The following RFX3 variants were observed in gnomAD, a reference collection of about 807,000 sequenced individuals.
RFX3 encodes the protein transcription factor RFX3.
RFX3 carries 14 observed loss-of-function variants against 98.6 expected under a neutral mutation model. The ratio of observed to expected loss-of-function variants is 0.14; its 90% CI spans 0.09 to 0.22. RFX3 has a LOEUF of 0.22. RFX3 is among the 10% of genes least tolerant of loss of function. The pLI is 1.00. For missense variants in RFX3, 639 were observed against 926.9 expected (o/e 0.69, Z 4.03); for synonymous variants, 383 against 328.4 (o/e 1.17, Z -1.80).
At chr9:3,465,726 A>G (rs1167744823) in intron 1 of RFX3, among the ~76,000 whole-genome samples, 1 of 152,196 alleles carries the variant, frequency 6.6e-6, no homozygotes, top group Non-Finnish European at 1.5e-5. Flanking sequence ...GAAGGTATGC[A>G]AACAGGGCAT....
At position 3,452,422 on chromosome 9, in the gene RFX3, G is replaced by T. The variant is rs7873339; in HGVS notation, c.-8-56826C>A. 4 of 233,802 alleles carry T rather than the reference G, an allele frequency of 1.7e-5. No individual in the cohort carries two copies. The South Asian group carries it at 1.7e-4, about 10-fold the overall frequency. The allele number at this position is 233,802 out of a possible 1,614,324, so 14.5% of individuals were successfully genotyped here. A position where few individuals can be genotyped will look rare whatever the true frequency, so the allele number is the denominator to read the frequency against. On this transcript the variant is annotated intron_variant, in intron 1 of 16. Transcript: ENST00000617270. Reference sequence around the variant, plus strand: ...CTTGGGCAACATACGGAGACACCAGGTCTATAAAATAATAAAAATAATAGC... The same window carrying T: ...CTTGGGCAACATACGGAGACACCAGTTCTATAAAATAATAAAAATAATAGC...
At chr9:3,354,381 A>G (rs1027862435) in intron 2 of RFX3, among the ~76,000 whole-genome samples, 2 of 152,090 alleles carry the variant, frequency 1.3e-5, no homozygotes, top group East Asian at 3.9e-4. Flanking sequence ...CATCTCTACC[A>G]AAAAACATTT....
chr9:3,338,735 T>C (rs7850660), intron 3 of RFX3, among the ~76,000 whole-genome samples: 26,400 of 152,010 alleles, frequency 0.17, 2,322 homozygotes, highest in Middle Eastern at 0.22. Context: ...ACCATTGTAC[T>C]AGTTGATACT....
intron 15 of RFX3, among the ~76,000 whole-genome samples, chr9:3,234,932 T>A (rs187131444): frequency 2.6e-5 from 4 of 152,168 alleles, no homozygotes; most frequent in African/African-American, 4.8e-5. Context: ...CATCAACTGA[T>A]GAAGGTCACA....
chr9:3,284,978 A>G (rs1397872250), intron 7 of RFX3, among the ~76,000 whole-genome samples: 1 of 151,780 alleles, frequency 6.6e-6, no homozygotes, highest in Non-Finnish European at 1.5e-5. Flanking sequence ...CAAACCTTCA[A>G]GTGACACCTT....
At position 3,315,709 on chromosome 9, in the gene RFX3, T is replaced by C. The variant is rs187135887; in HGVS notation, c.475-14089A>G. Among the ~76,000 whole-genome samples, 686 of 152,138 alleles carry C rather than the reference T, an allele frequency of 4.5e-3. 6 individuals are homozygous for C. The highest frequency in any genetic ancestry group is 0.016 in the African/African-American group (650 of 41,536). On this transcript the variant is annotated intron_variant, in intron 4 of 16. Coordinates refer to ENST00000617270, the MANE Select transcript of RFX3 (RefSeq NM_001282116.2). ...AAAGGGGATATCACCACCGATCTCA[T>C]AGAAATACAAACTACCATCAGAAAA...
chr9:3,371,781 T>G (rs1440722158), intron 2 of RFX3, among the ~76,000 whole-genome samples: 1 of 152,172 alleles, frequency 6.6e-6, no homozygotes, highest in Non-Finnish European at 1.5e-5. Context: ...TAGTCTTTAT[T>G]CAAATAGAGG....
chr9:3,271,211 G>C, intron 9 of RFX3, 93 bp from the exon 10 acceptor site: 1 of 1,051,576 alleles, frequency 9.5e-7, no homozygotes, highest in Non-Finnish European at 1.4e-6. Context: ...ATATGGTCAA[G>C]TTCTCCCTTG....
chr9:3,291,409 A>C (rs867602231), intron 6 of RFX3, among the ~76,000 whole-genome samples: 5 of 117,964 alleles, frequency 4.2e-5, no homozygotes, highest in African/African-American at 9.3e-5. Context: ...ACAAAACAAA[A>C]CAAAACAAAA....
At chr9:3,524,524 G>C in intron 1 of RFX3, 2 of 976,844 alleles carry the variant, frequency 2.0e-6, no homozygotes, top group Non-Finnish European at 2.4e-6. Flanking sequence ...AACTTGACTT[G>C]AATTTCAACT....
In RFX3 at chr9:3,365,544, GAAA is replaced by G. The variant is rs202111558; in HGVS notation, c.118-18783_118-18781del. ...TATTCATCTAAATCCCTGAAGAAAA[GAAA>G]AAGAGTAGCAACCATAATACTCCTC... On this transcript the variant is annotated intron_variant, in intron 2 of 16. Transcript: ENST00000617270. Among the ~76,000 whole-genome samples, 1,514 of 152,142 alleles carry G rather than the reference GAAA, an allele frequency of 1.0e-2. 32 individuals carry two copies. The highest frequency in any genetic ancestry group is 0.034 in the African/African-American group (1,420 of 41,512).
chr9:3,321,517 T>C (rs1270630025), intron 4 of RFX3, among the ~76,000 whole-genome samples: 6 of 152,208 alleles, frequency 3.9e-5, no homozygotes, highest in Admixed American at 3.3e-4. Context: ...TTCCTTTTCA[T>C]TGGACTGCCT....
intron 5 of RFX3, among the ~76,000 whole-genome samples, chr9:3,297,919 T>C (rs1035903368): frequency 6.6e-6 from 1 of 151,896 alleles, no homozygotes; most frequent in Non-Finnish European, 1.5e-5. Flanking sequence ...AATAAGTAGT[T>C]TGTAAATAAG....
chr9:3,224,951 C>T lies in RFX3; in HGVS notation c.*91G>A. 2 of 1,267,304 alleles carry T rather than the reference C, an allele frequency of 1.6e-6. No individual in the cohort carries two copies. Among genetic ancestry groups the T allele is most frequent in the Admixed American group, 1.9e-5 (1 of 52,104 alleles). The allele number at this position is 1,267,304 out of a possible 1,614,324, so 78.5% of individuals were successfully genotyped here. On this transcript the variant is annotated 3_prime_UTR_variant, in exon 17 of 17. Coordinates refer to ENST00000617270, the MANE Select transcript of RFX3 (RefSeq NM_001282116.2). Reference sequence around the variant, plus strand: ...AATGTTCAGCACAGATAGAATTTGACAACAGTCGACCTTCAGGCTTATTAA... The same window carrying T: ...AATGTTCAGCACAGATAGAATTTGATAACAGTCGACCTTCAGGCTTATTAA...
chr9:3,301,478 C>G, intron 5 of RFX3, 68 bp downstream of exon 5: 1 of 1,034,062 alleles, frequency 9.7e-7, no homozygotes, highest in Non-Finnish European at 1.5e-6. Context: ...ATAAAACAAG[C>G]ATTTAGAGGC....
At chr9:3,365,512 A>T (rs1368695133) in intron 2 of RFX3, among the ~76,000 whole-genome samples, 1 of 152,144 alleles carries the variant, frequency 6.6e-6, no homozygotes, top group Non-Finnish European at 1.5e-5. Flanking sequence ...TCATTGTATC[A>T]ACTTACTATT....
intron 14 of RFX3, among the ~76,000 whole-genome samples, chr9:3,256,397 T>C (rs1433163475): frequency 4.6e-5 from 7 of 151,512 alleles, no homozygotes; most frequent in East Asian, 1.9e-4. Flanking sequence ...ACAGTTATAA[T>C]TGATAAAATT....
chr9:3,269,989 G>A (rs533535188), intron 11 of RFX3, among the ~76,000 whole-genome samples: 1 of 151,886 alleles, frequency 6.6e-6, no homozygotes, highest in East Asian at 1.9e-4. Flanking sequence ...TGACTGGCCT[G>A]CTAGTGTTCT....
chr9:3,524,812 C>T (rs556943754), intron 1 of RFX3, among the ~76,000 whole-genome samples: 1 of 143,906 alleles, frequency 6.9e-6, no homozygotes, highest in South Asian at 2.3e-4. Flanking sequence ...GCCCTGCATC[C>T]GGTTTAAATC....
Sources: allele counts gnomAD v4.1 joint callset (sites outside exome capture counted in the v4.1 genomes callset), GRCh38; gene constraint gnomAD v4.1.1; transcripts MANE v1.5; gene names NCBI Gene and HGNC (gene_info 2026-07-23, HGNC 2026-07-21).